Variants in DLGAP1 observed in about 807,000 individuals in gnomAD.
DLGAP1 encodes DLG associated protein 1, also known as disks large-associated protein 1.
Under a neutral mutation model 90.8 loss-of-function variants are expected in DLGAP1, and 11 were observed. The ratio of observed to expected loss-of-function variants is 0.12; its 90% CI spans 0.08 to 0.20. DLGAP1 has a LOEUF of 0.20. Ranked by LOEUF, DLGAP1 falls within the 10% of genes least tolerant of loss-of-function variation. DLGAP1 has a pLI of 1.00. For synonymous variants in DLGAP1, 558 were observed against 540.7 expected (o/e 1.03, Z -0.44); for missense variants, 1,050 against 1,333.8 (o/e 0.79, Z 3.31).
chr18:4,143,980 T>C (rs951092628), intron 2 of DLGAP1, among the ~76,000 whole-genome samples: 1 of 152,174 alleles, frequency 6.6e-6, no homozygotes, highest in Admixed American at 6.5e-5. Flanking sequence ...GTATCTAAGA[T>C]GCAAGACAAA....
intron 1 of DLGAP1, among the ~76,000 whole-genome samples, chr18:4,272,815 T>C (rs1294168993): frequency 6.6e-6 from 1 of 152,152 alleles, no homozygotes. Flanking sequence ...TTTGCAGACA[T>C]AATTAGTTAT....
rs999994087 is a variant in DLGAP1, at chr18:3,565,553, C to T, written c.2057+1937G>A. ...CCTAGGACATTAAAGCAATGATTACCGGCCCAGCGCGGTGGCTCACGCCTG... is the reference window on the plus strand; with the variant it reads ...CCTAGGACATTAAAGCAATGATTACTGGCCCAGCGCGGTGGCTCACGCCTG... On this transcript the variant is annotated intron_variant, in intron 9 of 12. Transcript: ENST00000315677. This position sits in a 1 kb window ranked among gnomAD's most constrained non-coding sequence, Gnocchi z 4.0. Among the ~76,000 whole-genome samples, 5 of 151,892 alleles carry T rather than the reference C, an allele frequency of 3.3e-5. No homozygotes were observed. The highest frequency in any genetic ancestry group is 1.2e-4 in the African/African-American group (5 of 41,356).
At chr18:4,137,809 T>C (rs531336338) in intron 2 of DLGAP1, among the ~76,000 whole-genome samples, 1 of 152,130 alleles carries the variant, frequency 6.6e-6, no homozygotes, top group Non-Finnish European at 1.5e-5. Context: ...CTTTCATCAG[T>C]GTTTTATAGG....
intron 9 of DLGAP1, among the ~76,000 whole-genome samples, chr18:3,540,469 CAAAAAAAAAA>C (rs60740209): frequency 0.053 from 3,065 of 58,070 alleles, 119 homozygotes; most frequent in African/African-American, 0.16. Flanking sequence ...GGCCCTGTGT[CAAAAAAAAAA>C]AAAAAAAAAA....
At chr18:4,021,139 GTAA>G (rs1405069630) in intron 2 of DLGAP1, among the ~76,000 whole-genome samples, 2 of 152,152 alleles carry the variant, frequency 1.3e-5, no homozygotes, top group African/African-American at 4.8e-5. Flanking sequence ...ACTGATTTGA[GTAA>G]TAATAAAACT....
At chr18:4,388,742 G>C (rs1016800352) in intron 1 of DLGAP1, among the ~76,000 whole-genome samples, 1 of 152,134 alleles carries the variant, frequency 6.6e-6, no homozygotes, top group African/African-American at 2.4e-5. Context: ...TAACTGTAAA[G>C]TATCTGATAT....
chr18:3,523,575 C>G (rs76137587), intron 10 of DLGAP1, among the ~76,000 whole-genome samples: 1 of 151,714 alleles, frequency 6.6e-6, no homozygotes, highest in Non-Finnish European at 1.5e-5. Context: ...CGACCAGGTG[C>G]GGTGGCTCAC....
chr18:3,756,704 C>T (rs2063732265), intron 5 of DLGAP1, among the ~76,000 whole-genome samples: 1 of 151,618 alleles, frequency 6.6e-6, no homozygotes, highest in South Asian at 2.1e-4. Context: ...AAAATCAATA[C>T]TTTAGCAAGA....
At chr18:4,171,552 G>A (rs1355968945) in intron 1 of DLGAP1, among the ~76,000 whole-genome samples, 2 of 147,616 alleles carry the variant, frequency 1.4e-5, no homozygotes, top group Admixed American at 6.8e-5. Flanking sequence ...AAGACAGAGC[G>A]AGACTCCATC....
At chr18:3,678,397 A>G (rs2060389291) in intron 7 of DLGAP1, among the ~76,000 whole-genome samples, 3 of 152,072 alleles carry the variant, frequency 2.0e-5, no homozygotes. Context: ...AGCTCAAATC[A>G]CATCTCCTTC....
At chr18:4,130,911 C>T (rs967673045) in intron 2 of DLGAP1, among the ~76,000 whole-genome samples, 1 of 151,962 alleles carries the variant, frequency 6.6e-6, no homozygotes, top group South Asian at 2.1e-4. Flanking sequence ...CTCTGATTGG[C>T]GAGGATGTGG....
At chr18:3,816,462 A>C (rs551116070) in intron 4 of DLGAP1, among the ~76,000 whole-genome samples, 1 of 152,326 alleles carries the variant, frequency 6.6e-6, no homozygotes, top group East Asian at 1.9e-4. Context: ...GAAAGTTTAG[A>C]TCTAAGAACT....
intron 7 of DLGAP1, among the ~76,000 whole-genome samples, chr18:3,623,540 C>G (rs1237842691): frequency 6.6e-6 from 1 of 152,122 alleles, no homozygotes; most frequent in Admixed American, 6.5e-5. Context: ...GTAATCCCAG[C>G]ACTTTGGGAG....
chr18:3,713,554 G>A (rs1376026360), intron 7 of DLGAP1, among the ~76,000 whole-genome samples: 5 of 152,174 alleles, frequency 3.3e-5, no homozygotes, highest in African/African-American at 9.7e-5. Flanking sequence ...TCAAATTAAG[G>A]CATATGGTAT....
intron 9 of DLGAP1, among the ~76,000 whole-genome samples, chr18:3,561,290 A>G (rs916275841): frequency 6.7e-6 from 1 of 148,890 alleles, no homozygotes; most frequent in Non-Finnish European, 1.5e-5. Flanking sequence ...CAAACAAAAA[A>G]TAGCCAGATG....
intron 1 of DLGAP1, among the ~76,000 whole-genome samples, chr18:4,411,720 G>T (rs9961005): frequency 0.062 from 9,379 of 152,216 alleles, 940 homozygotes; most frequent in African/African-American, 0.21. Flanking sequence ...ACTGGCATTG[G>T]ATTCTGGCCA....
At chr18:4,027,001 GCTCCTTACATC>G in intron 2 of DLGAP1, among the ~76,000 whole-genome samples, 1 of 152,164 alleles carries the variant, frequency 6.6e-6, no homozygotes, top group African/African-American at 2.4e-5. Flanking sequence ...GAAGAGACAG[GCTCCTTACATC>G]CTGGATTACC....
intron 2 of DLGAP1, among the ~76,000 whole-genome samples, chr18:4,017,868 T>C (rs62800862): frequency 1.3e-5 from 2 of 152,152 alleles, no homozygotes; most frequent in East Asian, 1.9e-4. Context: ...TTTTTTTTTT[T>C]CCAGAAAGTT....
At chr18:4,079,713 T>TATATAA (rs1491261061) in intron 2 of DLGAP1, among the ~76,000 whole-genome samples, 1 of 134,672 alleles carries the variant, frequency 7.4e-6, no homozygotes, top group African/African-American at 2.7e-5. Context: ...TATATATATA[T>TATATAA]AAAAGAAAAT....
Sources: gnomAD v4.1 joint callset for allele counts (sites outside exome capture counted in the v4.1 genomes callset) on GRCh38, gnomAD v4.1.1 for gene constraint, Gnocchi (gnomAD v3.1) non-coding constraint, MANE v1.5 for transcripts, NCBI Gene and HGNC (gene_info 2026-07-23, HGNC 2026-07-21) for gene names.